The following PLD3 variants were observed in gnomAD, a reference collection of about 807,000 sequenced individuals.
PLD3 encodes the protein 5'-3' exonuclease PLD3.
In PLD3, 31 loss-of-function variants were observed where a neutral mutation model predicts 58.4. That is an observed-to-expected ratio of 0.53 (90% confidence interval 0.40 to 0.72). The LOEUF is 0.72. Among genes scored for constraint, PLD3 ranks in the 30% least tolerant of loss-of-function variants. The pLI is 0.00. For missense variants in PLD3, 595 were observed against 659.8 expected (o/e 0.90, Z 1.08); for synonymous variants, 264 against 273.4 (o/e 0.97, Z 0.34).
At chr19:40,367,983 GGT>G in intron 6 of PLD3, 104 bp downstream of exon 6, 1 of 984,066 alleles carries the variant, frequency 1.0e-6, no homozygotes, top group Non-Finnish European at 1.5e-6. Context: ...GAGACAGAGG[GGT>G]GTGTCTCACA....
intron 8 of PLD3, 45 bp from the exon 9 acceptor site, chr19:40,371,628 G>A: frequency 1.5e-6 from 2 of 1,370,810 alleles, no homozygotes; most frequent in Admixed American, 1.8e-5. Context: ...TGTCATCTGT[G>A]AGCACTAGGC....
chr19:40,376,558 G>C, intron 10 of PLD3, 51 bp from the exon 11 acceptor site: 4 of 1,566,104 alleles, frequency 2.6e-6, no homozygotes, highest in Non-Finnish European at 3.5e-6. Context: ...AAAGCCTGTG[G>C]ACACAGCCGC....
chr19:40,355,096 C>T (rs545115156), intron 1 of PLD3, among the ~76,000 whole-genome samples: 206 of 152,186 alleles, frequency 1.4e-3, no homozygotes, highest in Non-Finnish European at 2.2e-3. Context: ...ACCTCGGCCT[C>T]CCAAAGTGCT....
chr19:40,375,649 CAAAAAA>C (rs59711528), intron 10 of PLD3, among the ~76,000 whole-genome samples: 1 of 96,190 alleles, frequency 1.0e-5, no homozygotes. Flanking sequence ...GACACCTTCT[CAAAAAA>C]AAAAAAAAGA....
chr19:40,352,089 T>C (rs1419924138), intron 1 of PLD3, among the ~76,000 whole-genome samples: 2 of 152,038 alleles, frequency 1.3e-5, no homozygotes, highest in Non-Finnish European at 2.9e-5. Context: ...CTGACCAACA[T>C]GGTGAAACCT....
At position 40,374,556 on chromosome 19, in the gene PLD3, C is replaced by T. The variant is rs1246045495; in HGVS notation, c.955C>T (p.Arg319Trp). 9.9e-6 allele frequency: 16 copies of T among 1,614,172 alleles called. 1 individual carries two copies. The highest frequency in any genetic ancestry group is 3.3e-5 in the South Asian group (3 of 91,080). Residue 319 changes from arginine (R) to tryptophan (W), a missense_variant, in exon 10 of 13, where the codon CGG (arginine) becomes TGG (tryptophan). Physicochemically the swap from Arg to Trp is moderately radical, Grantham distance 101. Coordinates refer to ENST00000409735, the MANE Select transcript of PLD3 (RefSeq NM_012268.4). ...KALLNVVDNA[R>W]SFIYVAVMNY... ...TCTACTCAACGTGGTGGACAATGCC[C>T]GGAGTTTCATCTACGTCGCTGTCAT...
chr19:40,360,263 C>G (rs1195239141), intron 1 of PLD3: 1 of 152,490 alleles, frequency 6.6e-6, no homozygotes, highest in Non-Finnish European at 1.5e-5. Context: ...TTCTTCGACA[C>G]TTGGCTGACC....
At chr19:40,372,659 A>C (rs1265921548) in intron 9 of PLD3, among the ~76,000 whole-genome samples, 1 of 133,684 alleles carries the variant, frequency 7.5e-6, no homozygotes, top group Non-Finnish European at 1.6e-5. Flanking sequence ...TGGTCTTATT[A>C]TTTATTGTTC....
chr19:40,378,189 G>A lies in PLD3; in HGVS notation c.*16G>A, dbSNP rs2145711877. 2 of 1,598,760 alleles carry A rather than the reference G, an allele frequency of 1.3e-6. No individual in the cohort carries two copies. The highest frequency in any genetic ancestry group is 1.7e-4 in the Middle Eastern group (1 of 5,976). On this transcript the variant is annotated 3_prime_UTR_variant, in exon 13 of 13. Coordinates refer to ENST00000409735, the MANE Select transcript of PLD3 (RefSeq NM_012268.4). The stretch of plus-strand genomic sequence containing the variant: ...CCTGCTCTGAGGCCCGATCCAGTGG[G>A]CAGGCCAAGGCCTGCTGGGCCCCCG...
rs2079062345 is a variant in PLD3, at chr19:40,371,343, C to A, written c.679-330C>A. 1.3e-5 allele frequency: 4 copies of A among 297,336 alleles called. No homozygotes were observed. The South Asian group carries it at 2.3e-4, about 17-fold the overall frequency. 18.4% of individuals were successfully genotyped at this position (297,336 alleles called of 1,614,324 possible). A position where few individuals can be genotyped will look rare whatever the true frequency, so the allele number is the denominator to read the frequency against. ...AGGGAATCCCAAGGGACTGTGAGAG[C>A]CCAGAGGAATGCCTGGTGCAGGCTG... On this transcript the variant is annotated intron_variant, in intron 8 of 12. Transcript: ENST00000409735.
In PLD3 at chr19:40,366,859, C is replaced by T. The variant is rs375652785; in HGVS notation, c.189C>T (p.Gly63=). ...LMTQLFLWEY[G]DLHLFGPNQR... is the part of the protein sequence containing the mutation. ...CTCAGCTGTTTCTATGGGAATACGGCGACTTGCATCTCTTTGGGCCCAACC... is the reference window on the plus strand; with the variant it reads ...CTCAGCTGTTTCTATGGGAATACGGTGACTTGCATCTCTTTGGGCCCAACC... Residue 63 remains glycine (G), a synonymous_variant, in exon 5 of 13, where the codon GGC becomes GGT. Coordinates refer to ENST00000409735, the MANE Select transcript of PLD3 (RefSeq NM_012268.4). 55 of 1,613,818 alleles carry T rather than the reference C, an allele frequency of 3.4e-5. No individual in the cohort carries two copies. Among genetic ancestry groups the T allele is most frequent in the African/African-American group, 1.2e-4 (9 of 74,902 alleles).
Position 40,370,149 on chromosome 19 carries a change from A to G in PLD3, c.590A>G (p.His197Arg), listed in dbSNP as rs771242533. Residue 197 changes from histidine (H) to arginine (R), a missense_variant, in exon 8 of 13, where the codon CAT becomes CGT. His to Arg is a conservative substitution (Grantham distance 29, BLOSUM62 0). Transcript: ENST00000409735. ...VRMVDMQKLT[H>R]GVLHTKFWVV... The stretch of plus-strand genomic sequence containing the variant: ...ATGGTGGACATGCAGAAGCTGACCC[A>G]TGGCGTCCTGCATACCAAGTTCTGG... 1.2e-5 allele frequency: 19 copies of G among 1,613,738 alleles called. No individual in the cohort carries two copies. Among genetic ancestry groups the G allele is most frequent in the African/African-American group, 2.7e-5 (2 of 74,890 alleles).
At position 40,366,595 on chromosome 19, in the gene PLD3, T is replaced by A; in HGVS notation, c.28-15T>A. The A allele has an allele frequency of 6.3e-7, 1 of 1,578,642 alleles. No individual in the cohort carries two copies. Among genetic ancestry groups the A allele is most frequent in the Non-Finnish European group, 8.6e-7 (1 of 1,160,860 alleles). ...AAGAGCCACCTGTCACCCCCGTTGT[T>A]GTCCCCATCCCCAGCTGAAGGTGCC... On this transcript the variant is annotated splice_polypyrimidine_tract_variant and intron_variant, in intron 3 of 12. Coordinates refer to ENST00000409735, the MANE Select transcript of PLD3 (RefSeq NM_012268.4).
intron 10 of PLD3, among the ~76,000 whole-genome samples, chr19:40,375,900 A>C (rs2145704993): frequency 6.6e-6 from 1 of 151,806 alleles, no homozygotes; most frequent in East Asian, 2.0e-4. Flanking sequence ...GAAAAATTGG[A>C]AGATTAGCCC....
chr19:40,356,777 T>C (rs531689282), intron 1 of PLD3: 2 of 152,262 alleles, frequency 1.3e-5, no homozygotes, highest in South Asian at 2.1e-4. Flanking sequence ...AAAGAGGGAA[T>C]TGAAGCTGTA....
intron 1 of PLD3, chr19:40,357,570 G>A (rs1374238874): frequency 2.6e-5 from 4 of 152,048 alleles, no homozygotes; most frequent in African/African-American, 9.7e-5. Context: ...ATATGCTCTG[G>A]GCTTAGAACT....
intron 1 of PLD3, among the ~76,000 whole-genome samples, chr19:40,352,673 T>G (rs2078548826): frequency 6.6e-6 from 1 of 152,124 alleles, no homozygotes; most frequent in South Asian, 2.1e-4. Context: ...ATATATTAAG[T>G]GCTTTGAGGC....
At chr19:40,375,684 G>C (rs932146474) in intron 10 of PLD3, among the ~76,000 whole-genome samples, 1 of 151,086 alleles carries the variant, frequency 6.6e-6, no homozygotes, top group African/African-American at 2.4e-5. Flanking sequence ...AAAAAAAGAA[G>C]GATAACAACC....
In PLD3 at chr19:40,371,834, G is replaced by A. The variant is rs765927354; in HGVS notation, c.840G>A (p.Glu280=). ...GCTACAACCAAGAGACACCAATGGA[G>A]ATCTGCCTCAATGGAACCCCTGCTC... ...DTRYNQETPM[E]ICLNGTPALA... is the part of the protein sequence containing the mutation. The change falls in exon 9 of 13, where the codon GAG becomes GAA. Residue 280 remains glutamate, a synonymous_variant. Coordinates refer to ENST00000409735, the MANE Select transcript of PLD3 (RefSeq NM_012268.4). 2 of 1,614,150 alleles carry A rather than the reference G, an allele frequency of 1.2e-6. No homozygotes were observed. The highest frequency in any genetic ancestry group is 3.3e-5 in the Admixed American group (2 of 60,014).
Sources: allele counts gnomAD v4.1 joint callset (sites outside exome capture counted in the v4.1 genomes callset), GRCh38; gene constraint gnomAD v4.1.1; transcripts MANE v1.5; gene names NCBI Gene and HGNC (gene_info 2026-07-23, HGNC 2026-07-21).